The following MBD5 variants were observed in gnomAD, a reference collection of about 807,000 sequenced individuals.
MBD5 encodes the protein methyl-CpG-binding domain protein 5.
Under a neutral mutation model 117.3 loss-of-function variants are expected in MBD5, and 13 were observed. The observed-to-expected ratio is 0.11, with a 90% CI of 0.07 to 0.18. The LOEUF is 0.18. MBD5 is among the 10% of genes least tolerant of loss of function. The pLI is 1.00. For synonymous variants in MBD5, 727 were observed against 766.4 expected (o/e 0.95, Z 0.85); for missense variants, 1,879 against 2,093.8 (o/e 0.90, Z 2.00).
chr2:148,060,652 C>T (rs1379556367), intron 1 of MBD5, among the ~76,000 whole-genome samples: 1 of 152,118 alleles, frequency 6.6e-6, no homozygotes, highest in African/African-American at 2.4e-5. Flanking sequence ...GAAGACTTCA[C>T]AGGAGAATTG....
intron 3 of MBD5, among the ~76,000 whole-genome samples, chr2:148,316,208 C>T (rs1702153948): frequency 6.6e-6 from 1 of 152,168 alleles, no homozygotes; most frequent in East Asian, 1.9e-4. Flanking sequence ...TGCAATTTGA[C>T]ATGAGATTTG....
chr2:148,488,337 A>G (rs181872320), intron 10 of MBD5, among the ~76,000 whole-genome samples: 2 of 152,340 alleles, frequency 1.3e-5, no homozygotes, highest in East Asian at 3.9e-4. Flanking sequence ...ATGATTGATA[A>G]CTAACTAGAA....
intron 8 of MBD5, among the ~76,000 whole-genome samples, chr2:148,473,983 A>G (rs554530398): frequency 3.3e-5 from 5 of 152,162 alleles, no homozygotes; most frequent in Non-Finnish European, 5.9e-5. Flanking sequence ...GACATTCCTC[A>G]AGTTGTAAAG....
Position 148,364,257 on chromosome 2 carries a change from G to A in MBD5, c.-557+21921G>A, listed in dbSNP as rs190182219. The stretch of plus-strand genomic sequence containing the variant: ...TCCAGCCAAACAAAGCTTCATAAGC[G>A]AAGGATAAATAAAATCCTTTACAGA... On this transcript the variant is annotated intron_variant, in intron 4 of 13. Transcript: ENST00000642680. 4.1e-3 allele frequency among the ~76,000 whole-genome samples: 628 copies of A among 152,242 alleles called. 4 individuals carry two copies. Among genetic ancestry groups the A allele is most frequent in the Non-Finnish European group, 6.5e-3 (443 of 68,010 alleles).
At chr2:148,109,680 G>A (rs1369738861) in intron 1 of MBD5, among the ~76,000 whole-genome samples, 1 of 152,114 alleles carries the variant, frequency 6.6e-6, no homozygotes, top group Non-Finnish European at 1.5e-5. Context: ...GCAGTTTTGT[G>A]TATATCAGTT....
intron 1 of MBD5, among the ~76,000 whole-genome samples, chr2:148,085,948 C>A (rs1695781671): frequency 6.6e-6 from 1 of 151,962 alleles, no homozygotes; most frequent in African/African-American, 2.4e-5. Flanking sequence ...ACAGCAAAAC[C>A]TGACTTGAAC....
chr2:148,305,071 A>T (rs979557431), intron 3 of MBD5, among the ~76,000 whole-genome samples: 10 of 151,902 alleles, frequency 6.6e-5, no homozygotes, highest in South Asian at 2.1e-4. Flanking sequence ...TCTCAAAAAA[A>T]AAAAAATAAA....
At chr2:148,389,069 T>C (rs1574368947) in intron 4 of MBD5, among the ~76,000 whole-genome samples, 1 of 150,974 alleles carries the variant, frequency 6.6e-6, no homozygotes, top group African/African-American at 2.4e-5. Context: ...AGTGTGAACA[T>C]GCAATATTTA....
intron 1 of MBD5, among the ~76,000 whole-genome samples, chr2:148,052,206 G>T (rs1408075642): frequency 2.4e-4 from 20 of 83,766 alleles, no homozygotes; most frequent in African/African-American, 4.3e-4. Context: ...CTGTTATTGA[G>T]TTTTTTTTTT....
intron 4 of MBD5, among the ~76,000 whole-genome samples, chr2:148,376,614 A>C (rs1178763363): frequency 6.7e-6 from 1 of 148,886 alleles, no homozygotes; most frequent in Non-Finnish European, 1.5e-5. Context: ...GTGTTTATGA[A>C]GAAAAAAATT....
intron 4 of MBD5, among the ~76,000 whole-genome samples, chr2:148,408,446 C>CA (rs1705148027): frequency 6.6e-6 from 1 of 152,084 alleles, no homozygotes; most frequent in Non-Finnish European, 1.5e-5. Context: ...GTCATGTTTT[C>CA]ATTCTGTATG....
chr2:148,146,805 T>A (rs78417516), intron 1 of MBD5, among the ~76,000 whole-genome samples: 1,900 of 152,304 alleles, frequency 0.012, 17 homozygotes, highest in African/African-American at 0.033. Context: ...TTGTTTCTTA[T>A]ATAAGATAGT....
intron 1 of MBD5, among the ~76,000 whole-genome samples, chr2:148,087,007 A>T (rs889595618): frequency 6.6e-6 from 1 of 152,202 alleles, no homozygotes; most frequent in Non-Finnish European, 1.5e-5. Context: ...GTTATTAAAA[A>T]AAACTGAGGC....
At chr2:148,427,813 T>G (rs928096432) in intron 4 of MBD5, among the ~76,000 whole-genome samples, 1 of 146,852 alleles carries the variant, frequency 6.8e-6, no homozygotes, top group Admixed American at 6.8e-5. Context: ...AATAAAAAAA[T>G]GAAAAAAGAA....
chr2:148,052,979 A>G lies in MBD5; in HGVS notation c.-925+31295A>G, dbSNP rs574983730. On this transcript the variant is annotated intron_variant, in intron 1 of 13. Transcript: ENST00000642680. ...GTTCGTCTCAAAAAAAAAAAAAAAAAAAAGAGAGAGACAATGTGTATTCTA... is the reference window on the plus strand; with the variant it reads ...GTTCGTCTCAAAAAAAAAAAAAAAAGAAAGAGAGAGACAATGTGTATTCTA... 7.3e-3 allele frequency among the ~76,000 whole-genome samples: 1,083 copies of G among 147,464 alleles called. 11 individuals are homozygous for G. Among genetic ancestry groups the G allele is most frequent in the African/African-American group, 0.025 (1,011 of 41,078 alleles).
intron 4 of MBD5, among the ~76,000 whole-genome samples, chr2:148,383,142 C>G (rs1374037418): frequency 1.3e-5 from 2 of 152,004 alleles, no homozygotes; most frequent in Non-Finnish European, 1.5e-5. Context: ...ACAAAAAACC[C>G]TTCAAAAAAT....
At chr2:148,421,458 C>A (rs141435404) in intron 4 of MBD5, among the ~76,000 whole-genome samples, 1 of 152,142 alleles carries the variant, frequency 6.6e-6, no homozygotes, top group Non-Finnish European at 1.5e-5. Flanking sequence ...TCAGTGCCTA[C>A]GCCAACAGGG....
At chr2:148,311,873 G>T (rs1173559826) in intron 3 of MBD5, among the ~76,000 whole-genome samples, 1 of 152,178 alleles carries the variant, frequency 6.6e-6, no homozygotes, top group Admixed American at 6.5e-5. Flanking sequence ...GCATTTGCTT[G>T]TCTGTAAAGT....
chr2:148,346,112 G>T (rs1703117398), intron 4 of MBD5: 1 of 151,886 alleles, frequency 6.6e-6, no homozygotes, highest in South Asian at 2.1e-4. Context: ...GAAGCAAGGG[G>T]TATATGGGAG....
Sources: allele counts gnomAD v4.1 joint callset (sites outside exome capture counted in the v4.1 genomes callset), GRCh38; gene constraint gnomAD v4.1.1; transcripts MANE v1.5; gene names NCBI Gene and HGNC (gene_info 2026-07-23, HGNC 2026-07-21).